The following CNTNAP4 variants were observed in gnomAD, a reference collection of about 807,000 sequenced individuals.
The protein encoded by CNTNAP4 is contactin associated protein family member 4.
CNTNAP4 carries 98 observed loss-of-function variants against 148.4 expected under a neutral mutation model. That is an observed-to-expected ratio of 0.66 (90% CI 0.56 to 0.78). The LOEUF is 0.78. Among genes scored for constraint, CNTNAP4 ranks in the 30% least tolerant of loss-of-function variants. CNTNAP4 has a pLI of 0.00. For synonymous variants in CNTNAP4, 730 were observed against 565.1 expected, an observed-to-expected ratio of 1.29 and a Z score of -4.14; for missense variants, 1,935 against 1,565.6, an observed-to-expected ratio of 1.24 and a Z score of -3.98.
intron 10 of CNTNAP4, among the ~76,000 whole-genome samples, chr16:76,473,570 G>A (rs989558216): frequency 1.3e-5 from 2 of 151,972 alleles, no homozygotes; most frequent in Non-Finnish European, 2.9e-5. Context: ...TCAGGAGATC[G>A]AGACCATCCT....
rs1210680122 is a variant in CNTNAP4 at position 76,397,982 on chromosome 16, A to G, written c.391-29470A>G. On this transcript the variant is annotated intron_variant, in intron 3 of 23. Transcript: ENST00000611870. The stretch of plus-strand genomic sequence containing the variant: ...TATATATATATATATATATATATAT[A>G]TATATATATATATATATATGGAGTT... Among the ~76,000 whole-genome samples the G allele has an allele frequency of 1.2e-3, 92 of 76,602 alleles. 7 individuals carry two copies. Among genetic ancestry groups the G allele is most frequent in the African/African-American group, 5.9e-3 (90 of 15,128 alleles). 50.3% of individuals were successfully genotyped at this position (76,602 alleles called of 152,430 possible). A position where few individuals can be genotyped will look rare whatever the true frequency, so the allele number is the denominator to read the frequency against.
intron 1 of CNTNAP4, among the ~76,000 whole-genome samples, chr16:76,303,827 G>A (rs977699030): frequency 2.6e-5 from 4 of 152,090 alleles, no homozygotes; most frequent in African/African-American, 9.7e-5. Context: ...CGTAAGAACA[G>A]TTTTACTTTC....
At chr16:76,503,213 G>A (rs1355372530) in intron 15 of CNTNAP4, among the ~76,000 whole-genome samples, 1 of 152,148 alleles carries the variant, frequency 6.6e-6, no homozygotes, top group African/African-American at 2.4e-5. Flanking sequence ...AGGCAAGAAT[G>A]TCTGCTCTCA....
intron 8 of CNTNAP4, among the ~76,000 whole-genome samples, chr16:76,453,799 G>A (rs1000570933): frequency 6.6e-6 from 1 of 152,000 alleles, no homozygotes; most frequent in African/African-American, 2.4e-5. Context: ...GTTTAAATAC[G>A]GAACCGAGAA....
intron 3 of CNTNAP4, among the ~76,000 whole-genome samples, chr16:76,408,805 T>C (rs907311774): frequency 6.6e-6 from 1 of 152,186 alleles, no homozygotes; most frequent in Non-Finnish European, 1.5e-5. Flanking sequence ...AGAGAATTTC[T>C]TAGTAAGGAC....
chr16:76,480,008 C>T (rs1030911734), intron 12 of CNTNAP4, among the ~76,000 whole-genome samples: 2 of 152,010 alleles, frequency 1.3e-5, no homozygotes, highest in African/African-American at 2.4e-5. Flanking sequence ...TACCTTGTTT[C>T]GATAAAGACC....
At chr16:76,535,910 A>G in intron 18 of CNTNAP4, 126 bp downstream of exon 18, 1 of 986,846 alleles carries the variant, frequency 1.0e-6, no homozygotes, top group South Asian at 1.7e-5. Context: ...TTGGCAAAGT[A>G]TCTGTTGAAT....
intron 3 of CNTNAP4, among the ~76,000 whole-genome samples, chr16:76,368,202 T>G (rs1262541603): frequency 1.3e-5 from 2 of 152,106 alleles, no homozygotes; most frequent in Non-Finnish European, 2.9e-5. Flanking sequence ...AGGATTTGGC[T>G]AAAGATAAAG....
Position 76,305,250 on chromosome 16 carries a change from T to C in CNTNAP4, c.86-11163T>C, listed in dbSNP as rs993424267. ...CTCTATGTCTGTGACAATTTCCTGG[T>C]TTAATTCTCATTTTGTATACTTATA... On this transcript the variant is annotated intron_variant, in intron 1 of 23. Transcript: ENST00000611870. Among the ~76,000 whole-genome samples the C allele has an allele frequency of 3.9e-5, 6 of 152,298 alleles. No homozygotes were observed. The East Asian group carries it at 9.7e-4, about 25-fold the overall frequency.
In CNTNAP4 at chr16:76,538,281, T is replaced by C; in HGVS notation, c.3161T>C (p.Leu1054Ser). The change falls in exon 19 of 24, where the codon TTG (leucine) becomes TCG (serine). Residue 1054 changes from leucine (L) to serine (S), a missense_variant. By Grantham distance (145) the Leu-to-Ser change is moderately radical (BLOSUM62 -2). Coordinates refer to ENST00000611870, the MANE Select transcript of CNTNAP4 (RefSeq NM_033401.5). ...FSFRTTRTPS[L>S]LLFVSSFYKE... is the part of the protein sequence containing the mutation. Reference sequence around the variant, plus strand: ...TTCCGAACAACACGAACACCAAGCTTGCTGCTTTTTGTGAGCTCCTTTTAC... The same window carrying C: ...TTCCGAACAACACGAACACCAAGCTCGCTGCTTTTTGTGAGCTCCTTTTAC... 1.2e-6 allele frequency: 2 copies of C among 1,609,798 alleles called. No individual in the cohort carries two copies. Among genetic ancestry groups the C allele is most frequent in the Non-Finnish European group, 1.7e-6 (2 of 1,178,392 alleles).
At chr16:76,314,995 T>A (rs1051331885) in intron 1 of CNTNAP4, among the ~76,000 whole-genome samples, 9 of 152,186 alleles carry the variant, frequency 5.9e-5, no homozygotes, top group Admixed American at 6.5e-5. Context: ...CTCAAAACGA[T>A]CAACATATTA....
chr16:76,295,403 G>A (rs1959211920), intron 1 of CNTNAP4, among the ~76,000 whole-genome samples: 1 of 152,180 alleles, frequency 6.6e-6, no homozygotes, highest in Admixed American at 6.5e-5. Context: ...ATTACTATAA[G>A]TGTTATGCAT....
chr16:76,365,217 C>T, intron 3 of CNTNAP4, among the ~76,000 whole-genome samples: 1 of 152,230 alleles, frequency 6.6e-6, no homozygotes, highest in Admixed American at 6.5e-5. Flanking sequence ...GGCCTCTGTT[C>T]TGTTCCCTTG....
intron 3 of CNTNAP4, among the ~76,000 whole-genome samples, chr16:76,394,827 A>G (rs2078140275): frequency 6.6e-6 from 1 of 152,140 alleles, no homozygotes; most frequent in Non-Finnish European, 1.5e-5. Context: ...CATCATTCCC[A>G]TCTTCCTTTC....
At chr16:76,425,222 G>T (rs1248266005) in intron 3 of CNTNAP4, among the ~76,000 whole-genome samples, 1 of 152,106 alleles carries the variant, frequency 6.6e-6, no homozygotes, top group Non-Finnish European at 1.5e-5. Context: ...AAACAGAGGG[G>T]AGCAGTTTTC....
At chr16:76,418,233 C>G (rs777222841) in intron 3 of CNTNAP4, among the ~76,000 whole-genome samples, 1 of 151,388 alleles carries the variant, frequency 6.6e-6, no homozygotes, top group African/African-American at 2.4e-5. Context: ...ATTCCACTTA[C>G]GCATATGTTA....
At chr16:76,280,238 A>G (rs1206525550) in intron 1 of CNTNAP4, among the ~76,000 whole-genome samples, 1 of 152,216 alleles carries the variant, frequency 6.6e-6, no homozygotes, top group Non-Finnish European at 1.5e-5. Flanking sequence ...GAAAGCTTTC[A>G]TGGGACAGAA....
chr16:76,468,494 T>TA (rs1179747372), intron 10 of CNTNAP4, among the ~76,000 whole-genome samples: 1 of 151,680 alleles, frequency 6.6e-6, no homozygotes, highest in East Asian at 1.9e-4. Flanking sequence ...AATAAATAAA[T>TA]AATATTTTTT....
In CNTNAP4 at chr16:76,401,138, A is replaced by G. The variant is rs542589760; in HGVS notation, c.391-26314A>G. ...GTACATTGCTTTGGGCAGTACGGCCATTTTAATGATAGTGAGTCTTCCTAT... is the reference window on the plus strand; with the variant it reads ...GTACATTGCTTTGGGCAGTACGGCCGTTTTAATGATAGTGAGTCTTCCTAT... On this transcript the variant is annotated intron_variant, in intron 3 of 23. Transcript: ENST00000611870. 1.7e-4 allele frequency among the ~76,000 whole-genome samples: 26 copies of G among 152,252 alleles called. 1 individual carries two copies. In the South Asian group the frequency reaches 3.7e-3, roughly 22 times the overall value.
Sources: allele counts gnomAD v4.1 joint callset (sites outside exome capture counted in the v4.1 genomes callset), GRCh38; gene constraint gnomAD v4.1.1; transcripts MANE v1.5; gene names NCBI Gene and HGNC (gene_info 2026-07-23, HGNC 2026-07-21).